WDFY4: variants seen among roughly 807,000 people sequenced by gnomAD.
WDFY4 encodes WDFY family member 4.
Under a neutral mutation model 351.9 loss-of-function variants are expected in WDFY4, and 169 were observed. The observed-to-expected ratio is 0.48, with a 90% CI of 0.42 to 0.55. The LOEUF is 0.55. Among genes scored for constraint, WDFY4 ranks in the 20% least tolerant of loss-of-function variants. WDFY4 has a pLI of 0.00. For synonymous variants in WDFY4, 1,622 were observed against 1,574.6 expected, an observed-to-expected ratio of 1.03 and a Z score of -0.71; for missense variants, 3,803 against 3,935.6, an observed-to-expected ratio of 0.97 and a Z score of 0.90.
At chr10:48,767,109 C>T (rs1442191650) in intron 13 of WDFY4, among the ~76,000 whole-genome samples, 5 of 152,218 alleles carry the variant, frequency 3.3e-5, no homozygotes, top group Admixed American at 3.3e-4. Context: ...GTATCAAAAT[C>T]ATGAGCCTTG....
intron 4 of WDFY4, among the ~76,000 whole-genome samples, chr10:48,722,377 C>T (rs1222317019): frequency 6.6e-6 from 1 of 152,138 alleles, no homozygotes; most frequent in Non-Finnish European, 1.5e-5. Context: ...GTGCATGGTG[C>T]ATCGGGGGTG....
intron 50 of WDFY4, 93 bp downstream of exon 50, chr10:48,946,250 A>G: frequency 1.0e-6 from 1 of 988,038 alleles, no homozygotes. Flanking sequence ...CACCTAGCCT[A>G]CAAGTAATTG....
Position 48,713,712 on chromosome 10 carries a change from G to C in WDFY4, c.234+3746G>C, listed in dbSNP as rs547044593. Among the ~76,000 whole-genome samples, 25 of 152,328 alleles carry C rather than the reference G, an allele frequency of 1.6e-4. 1 individual carries two copies. The South Asian group carries it at 5.0e-3, about 30-fold the overall frequency. ...TCACCTAGGGTTCCTCACTCCTCTT[G>C]TTAGGTCAAAGAGTTCTTAGCCAGG... On this transcript the variant is annotated intron_variant, in intron 2 of 61. Transcript: ENST00000325239.
intron 12 of WDFY4, among the ~76,000 whole-genome samples, chr10:48,749,706 A>G (rs898311526): frequency 8.5e-5 from 13 of 152,090 alleles, no homozygotes; most frequent in African/African-American, 2.7e-4. Flanking sequence ...CCTATAGGCA[A>G]TGTGGAGCTA....
At chr10:48,902,355 G>T (rs1389295929) in intron 47 of WDFY4, among the ~76,000 whole-genome samples, 2 of 152,118 alleles carry the variant, frequency 1.3e-5, no homozygotes, top group African/African-American at 2.4e-5. Flanking sequence ...CCCCGCCGCC[G>T]CCAGGTCCCC....
rs1022597380 is a variant in WDFY4 at position 48,897,460 on chromosome 10, C to T, written c.7323C>T (p.Ser2441=). The T allele has an allele frequency of 9.7e-6, 15 of 1,551,068 alleles. No homozygotes were observed. Among genetic ancestry groups the T allele is most frequent in the African/African-American group, 4.1e-5 (3 of 73,068 alleles). The part of the protein sequence containing the change: ...YCTRHCLSNI[S]DPFIFNLCSK... ...ATGCCTGTTTCCTTTTCAGCATCAG[C>T]GATCCGTTCATTTTCAACCTGTGCA... Residue 2441 remains serine (S), a synonymous_variant, in exon 45 of 62, where the codon AGC becomes AGT. Transcript: ENST00000325239.
intron 47 of WDFY4, chr10:48,914,299 A>G: frequency 2.3e-6 from 2 of 865,464 alleles, no homozygotes; most frequent in East Asian, 2.6e-5. Context: ...CCACGTCATG[A>G]CGCTTTGCTC....
At position 48,731,546 on chromosome 10, in the gene WDFY4, G is replaced by A; in HGVS notation, c.1566G>A (p.Lys522=). The A allele has an allele frequency of 6.4e-7, 1 of 1,550,836 alleles. No individual in the cohort carries two copies. The highest frequency in any genetic ancestry group is 1.2e-5 in the South Asian group (1 of 84,048). Residue 522 remains lysine (K), a synonymous_variant, in exon 9 of 62, where the codon AAG becomes AAA. Transcript: ENST00000325239. ...TGGCACAGCTTCGGAAGCAAGCCAAGATCATGAGGAAGTCAGGTGCCACTG... is the reference window on the plus strand; with the variant it reads ...TGGCACAGCTTCGGAAGCAAGCCAAAATCATGAGGAAGTCAGGTGCCACTG... The part of the protein sequence containing the change: ...LLLAQLRKQA[K]IMRKSGNKVS...
At chr10:48,699,002 A>G (rs1198278021) in intron 1 of WDFY4, among the ~76,000 whole-genome samples, 4 of 152,324 alleles carry the variant, frequency 2.6e-5, no homozygotes, top group Middle Eastern at 3.4e-3. Flanking sequence ...GAAATGCACT[A>G]TAGACCTAGC....
intron 10 of WDFY4, among the ~76,000 whole-genome samples, chr10:48,735,175 A>G (rs2064615025): frequency 6.6e-6 from 1 of 152,118 alleles, no homozygotes; most frequent in African/African-American, 2.4e-5. Context: ...TGTCTGCTCA[A>G]ATCTCCATCA....
chr10:48,838,266 C>T (rs2068473948), intron 39 of WDFY4, among the ~76,000 whole-genome samples: 1 of 151,434 alleles, frequency 6.6e-6, no homozygotes, highest in Non-Finnish European at 1.5e-5. Flanking sequence ...AAAGGCTGCC[C>T]TATGAGACCT....
At chr10:48,955,218 A>C (rs1589986772) in intron 51 of WDFY4, among the ~76,000 whole-genome samples, 1 of 152,326 alleles carries the variant, frequency 6.6e-6, no homozygotes, top group South Asian at 2.1e-4. Context: ...ATTTCAATTT[A>C]AATTTGATGG....
intron 37 of WDFY4, among the ~76,000 whole-genome samples, chr10:48,830,104 A>G (rs2068137911): frequency 6.6e-6 from 1 of 152,196 alleles, no homozygotes; most frequent in African/African-American, 2.4e-5. Flanking sequence ...GGCATGGTTC[A>G]GGGGATTACA....
Position 48,963,880 on chromosome 10 carries a change from T to C in WDFY4, c.8262T>C (p.His2754=). The C allele has an allele frequency of 6.4e-7, 1 of 1,551,618 alleles. No individual in the cohort carries two copies. Among genetic ancestry groups the C allele is most frequent in the South Asian group, 1.2e-5 (1 of 84,046 alleles). The part of the protein sequence containing the change: ...ESDFVSANLH[H]WIDLIFGYKQ... ...ACTTTGTCAGTGCCAACCTCCACCA[T>C]TGGATAGACCTTATTTTTGGGTACA... The change falls in exon 54 of 62, where the codon CAT becomes CAC. Residue 2754 remains histidine, a synonymous_variant. Transcript: ENST00000325239.
In WDFY4 at chr10:48,729,569, A is replaced by G. The variant is rs893034737; in HGVS notation, c.1109A>G (p.Lys370Arg). 1 of 1,551,694 alleles carries G rather than the reference A, an allele frequency of 6.4e-7. No individual in the cohort carries two copies. The highest frequency in any genetic ancestry group is 8.7e-7 in the Non-Finnish European group (1 of 1,146,970). Residue 370 changes from lysine (K) to arginine (R), a missense_variant, in exon 8 of 62, where the codon AAG becomes AGG. By Grantham distance (26) the Lys-to-Arg change is conservative. Transcript: ENST00000325239. ...SITYPQLEGF[K>R]FHHEASGVTV... Reference sequence around the variant, plus strand: ...ACTTACCCTCAGCTTGAAGGCTTCAAGTTCCATCATGAGGCATCTGGTGAG... The same window carrying G: ...ACTTACCCTCAGCTTGAAGGCTTCAGGTTCCATCATGAGGCATCTGGTGAG...
intron 13 of WDFY4, among the ~76,000 whole-genome samples, chr10:48,766,611 T>G (rs10857635): frequency 0.32 from 49,208 of 151,716 alleles, 8,339 homozygotes; most frequent in Middle Eastern, 0.4. Flanking sequence ...ACCTAAAAAC[T>G]AAAAACTAAA....
intron 61 of WDFY4, among the ~76,000 whole-genome samples, chr10:48,982,132 A>C (rs907950306): frequency 5.3e-5 from 8 of 152,182 alleles, no homozygotes; most frequent in Non-Finnish European, 1.0e-4. Flanking sequence ...TGGGGTGGGC[A>C]TGATGGTAGG....
At chr10:48,687,894 G>A (rs1483951484) in intron 1 of WDFY4, among the ~76,000 whole-genome samples, 1 of 151,548 alleles carries the variant, frequency 6.6e-6, no homozygotes, top group Non-Finnish European at 1.5e-5. Context: ...CGATTCCTCT[G>A]CCTCAGCCTC....
intron 47 of WDFY4, among the ~76,000 whole-genome samples, chr10:48,927,194 T>G (rs1839643127): frequency 6.6e-6 from 1 of 152,106 alleles, no homozygotes; most frequent in African/African-American, 2.4e-5. Flanking sequence ...AGCAGCCGTC[T>G]CTATGTGCTG....
Sources: allele counts gnomAD v4.1 joint callset (sites outside exome capture counted in the v4.1 genomes callset), GRCh38; gene constraint gnomAD v4.1.1; transcripts MANE v1.5; gene names NCBI Gene and HGNC (gene_info 2026-07-23, HGNC 2026-07-21).